The following PCNX1 variants were observed in gnomAD, a reference collection of about 807,000 sequenced individuals.
PCNX1 encodes the protein pecanex 1.
PCNX1 carries 78 observed loss-of-function variants against 242.2 expected under a neutral mutation model. The observed-to-expected ratio is 0.32, with a 90% confidence interval of 0.27 to 0.39. The LOEUF (loss-of-function observed/expected upper bound fraction) is 0.39. Ranked by LOEUF, PCNX1 falls within the 10% of genes least tolerant of loss-of-function variation. The pLI is 1.00. For missense variants in PCNX1, 2,581 were observed against 2,856.5 expected, an observed-to-expected ratio of 0.90 and a Z score of 2.20; for synonymous variants, 1,024 against 1,032.9, an observed-to-expected ratio of 0.99 and a Z score of 0.17.
chr14:70,984,234 C>G (rs2058930001), intron 6 of PCNX1, among the ~76,000 whole-genome samples: 1 of 151,366 alleles, frequency 6.6e-6, no homozygotes, highest in African/African-American at 2.4e-5. Flanking sequence ...ACATTTCTCA[C>G]TGGAAAGAAC....
At chr14:71,079,438 T>G (rs1380611730) in intron 28 of PCNX1, among the ~76,000 whole-genome samples, 1 of 152,226 alleles carries the variant, frequency 6.6e-6, no homozygotes, top group African/African-American at 2.4e-5. Flanking sequence ...CCACAATGGT[T>G]GAACTAATTT....
chr14:71,019,148 TACTC>T lies in PCNX1; in HGVS notation c.3140_3143del (p.Ser1047CysfsTer45). On this transcript the variant is annotated frameshift_variant, in exon 12 of 36. Transcript: ENST00000304743. LOFTEE classifies it high-confidence loss of function. ...CTGCCTCGTCATAGCCAGCTGTCAA[TACTC>T]ACTGCTTAAGGTACCAGCATCTCTT... The T allele has an allele frequency of 6.2e-7, 1 of 1,610,540 alleles. No homozygotes were observed. Among genetic ancestry groups the T allele is most frequent in the Non-Finnish European group, 8.5e-7 (1 of 1,178,238 alleles).
chr14:71,105,259 A>T lies in PCNX1; in HGVS notation c.6120A>T (p.Gly2040=). ...WHRLRKGCGA[G]CNSGGNIEDS... is the part of the protein sequence containing the mutation. ...GGCTTAGGAAAGGTTGCGGAGCTGG[A>T]TGTAACAGTGGTGGCAATATTGAAG... Residue 2040 remains glycine (G), a synonymous_variant, in exon 33 of 36, where the codon GGA becomes GGT. Transcript: ENST00000304743. The T allele has an allele frequency of 1.9e-6, 3 of 1,614,064 alleles. No homozygotes were observed. The highest frequency in any genetic ancestry group is 1.7e-6 in the Non-Finnish European group (2 of 1,179,922).
At chr14:71,050,156 A>ATT (rs34437472) in intron 22 of PCNX1, among the ~76,000 whole-genome samples, 11 of 151,202 alleles carry the variant, frequency 7.3e-5, no homozygotes, top group Admixed American at 2.6e-4. Context: ...AGACATCTTG[A>ATT]TTTTTTTTCT....
chr14:71,081,335 T>C (rs2061849512), intron 28 of PCNX1, among the ~76,000 whole-genome samples: 1 of 152,162 alleles, frequency 6.6e-6, no homozygotes, highest in Non-Finnish European at 1.5e-5. Context: ...ATTTTCTGTT[T>C]TTGTTGTGTC....
intron 6 of PCNX1, among the ~76,000 whole-genome samples, chr14:70,985,710 C>T (rs1449079010): frequency 1.3e-5 from 2 of 152,024 alleles, no homozygotes; most frequent in Non-Finnish European, 2.9e-5. Context: ...TTCTTTTTTA[C>T]CTACACATGC....
At chr14:71,109,613 G>A (rs752946390) in intron 35 of PCNX1, 21 bp downstream of exon 35, 2 of 1,613,574 alleles carry the variant, frequency 1.2e-6, no homozygotes, top group Non-Finnish European at 1.7e-6. Context: ...TTACAAGCTG[G>A]CGGTCTGGGG....
At chr14:70,947,232 T>A (rs1383827310) in intron 2 of PCNX1, 109 bp downstream of exon 2, 1 of 798,714 alleles carries the variant, frequency 1.3e-6, no homozygotes, top group Non-Finnish European at 2.1e-6. Flanking sequence ...TTTAAGGCAG[T>A]GTTAGATCTT....
chr14:71,057,813 T>C (rs2061223486), intron 26 of PCNX1, 89 bp downstream of exon 26: 3 of 868,944 alleles, frequency 3.5e-6, no homozygotes, highest in East Asian at 2.4e-5. Flanking sequence ...GAAGTTGTCA[T>C]AGAATTAGAT....
chr14:71,098,579 A>T (rs1311233875), intron 30 of PCNX1, among the ~76,000 whole-genome samples: 1 of 145,906 alleles, frequency 6.9e-6, no homozygotes, highest in Non-Finnish European at 1.5e-5. Context: ...AACATTGTAG[A>T]TGGGATTGCA....
chr14:70,913,705 A>T (rs1045802340), intron 1 of PCNX1, among the ~76,000 whole-genome samples: 2 of 152,128 alleles, frequency 1.3e-5, no homozygotes, highest in African/African-American at 4.8e-5. Context: ...CTTTCCCCCA[A>T]TTTAAAAGTA....
At chr14:70,941,068 A>C (rs142340771) in intron 1 of PCNX1, among the ~76,000 whole-genome samples, 18 of 152,258 alleles carry the variant, frequency 1.2e-4, no homozygotes, top group African/African-American at 4.1e-4. Context: ...GATGGGTTCG[A>C]ACATCCTCCT....
rs2140928879 is a variant in PCNX1 at position 71,031,858 on chromosome 14, T to A, written c.3559-1571T>A. Reference sequence around the variant, plus strand: ...ATCGTCTGGCTTCAGGTAGACACACTGTTTCAGCACTTTCACAGCACGAGC... The same window carrying A: ...ATCGTCTGGCTTCAGGTAGACACACAGTTTCAGCACTTTCACAGCACGAGC... On this transcript the variant is annotated intron_variant, in intron 16 of 35. Coordinates refer to ENST00000304743, the MANE Select transcript of PCNX1 (RefSeq NM_014982.3). 3 of 1,464,850 alleles carry A rather than the reference T, an allele frequency of 2.0e-6. No individual in the cohort carries two copies. The East Asian group carries it at 6.8e-5, about 33-fold the overall frequency. The allele number at this position is 1,464,850 out of a possible 1,614,324, so 90.7% of individuals were successfully genotyped here. A position where few individuals can be genotyped will look rare whatever the true frequency, so the allele number is the denominator to read the frequency against.
At position 70,983,894 on chromosome 14, in the gene PCNX1, GA is replaced by G. The variant is rs991092100; in HGVS notation, c.2312-4668del. ...TGGCTGACAAAGAAACTAAGAAAGG[GA>G]AAAACTATTTAGATAAAGTGGATTT... is the stretch of plus-strand genomic sequence containing the variant. On this transcript the variant is annotated intron_variant, in intron 6 of 35. Transcript: ENST00000304743. 2.6e-5 allele frequency among the ~76,000 whole-genome samples: 4 copies of G among 151,360 alleles called. 1 individual carries two copies. Among genetic ancestry groups the G allele is most frequent in the Non-Finnish European group, 5.9e-5 (4 of 67,590 alleles).
intron 8 of PCNX1, among the ~76,000 whole-genome samples, chr14:71,002,911 A>G (rs1471628112): frequency 2.0e-5 from 3 of 152,170 alleles, no homozygotes; most frequent in African/African-American, 7.2e-5. Flanking sequence ...AATTGTAGAC[A>G]TAATGGGTAT....
intron 19 of PCNX1, among the ~76,000 whole-genome samples, chr14:71,043,920 A>G (rs1189850140): frequency 6.6e-6 from 1 of 152,126 alleles, no homozygotes; most frequent in Admixed American, 6.6e-5. Flanking sequence ...GTGTCCTTAC[A>G]TTGATATCTG....
At chr14:71,031,835 C>G in intron 16 of PCNX1, 2 of 1,490,950 alleles carry the variant, frequency 1.3e-6, no homozygotes, top group Non-Finnish European at 1.9e-6. Flanking sequence ...ATGGTGGCAT[C>G]GTCTGGCTTC....
chr14:70,977,320 C>A lies in PCNX1; in HGVS notation c.983C>A (p.Ser328Tyr). 6.2e-7 allele frequency: 1 copy of A among 1,614,156 alleles called. No individual in the cohort carries two copies. Among genetic ancestry groups the A allele is most frequent in the Non-Finnish European group, 8.5e-7 (1 of 1,180,030 alleles). Residue 328 changes from serine to tyrosine, a missense_variant, in exon 6 of 36, where the codon TCC (serine) becomes TAC (tyrosine). Ser to Tyr is a moderately radical substitution (Grantham distance 144). Coordinates refer to ENST00000304743, the MANE Select transcript of PCNX1 (RefSeq NM_014982.3). ...AAGCCTCTTTCTGGATCCAAAGAAT[C>A]CTTGGTGGAAAATTCTGGTTTATCT... is the stretch of plus-strand genomic sequence containing the variant. ...SSKPLSGSKE[S>Y]LVENSGLSGE...
rs367746309 is a variant in PCNX1 at position 71,033,381 on chromosome 14, T to C, written c.3559-48T>C. 9.3e-4 allele frequency: 837 copies of C among 904,504 alleles called. 5 individuals are homozygous for C. In the African/African-American group the frequency reaches 0.013, roughly 14 times the overall value. The allele number at this position is 904,504 out of a possible 1,614,324, so 56.0% of individuals were successfully genotyped here. A position where few individuals can be genotyped will look rare whatever the true frequency, so the allele number is the denominator to read the frequency against. On this transcript the variant is annotated intron_variant, in intron 16 of 35. Transcript: ENST00000304743. ...ACGTACATAAAAGGATTATGTGATATATTACAAATTAGAAGCATATTATTC... is the reference window on the plus strand; with the variant it reads ...ACGTACATAAAAGGATTATGTGATACATTACAAATTAGAAGCATATTATTC...
Sources: gnomAD v4.1 joint callset for allele counts (sites outside exome capture counted in the v4.1 genomes callset) on GRCh38, gnomAD v4.1.1 for gene constraint, MANE v1.5 for transcripts, NCBI Gene and HGNC (gene_info 2026-07-23, HGNC 2026-07-21) for gene names.